The following FGFR1 variants were observed in gnomAD, a reference collection of about 807,000 sequenced individuals.
The protein encoded by FGFR1 is FGFR1/PLAG1 fusion.
In FGFR1, 18 loss-of-function variants were observed where a neutral mutation model predicts 93.7. That is an observed-to-expected ratio of 0.19 (90% CI 0.13 to 0.28). The LOEUF (loss-of-function observed/expected upper bound fraction) is 0.28. FGFR1 is among the 10% of genes least tolerant of loss of function. The pLI is 1.00. For missense variants in FGFR1, 731 were observed against 1,080.4 expected (o/e 0.68, Z 4.53); for synonymous variants, 448 against 429.3 (o/e 1.04, Z -0.54).
At chr8:38,422,845 A>G in intron 7 of FGFR1, 1 of 580,254 alleles carries the variant, frequency 1.7e-6, no homozygotes, top group Non-Finnish European at 3.1e-6. Flanking sequence ...GGGAACCCAC[A>G]GACACCAACA....
At chr8:38,430,101 T>A in intron 2 of FGFR1, 153 bp from the exon 3 acceptor site, 1 of 750,218 alleles carries the variant, frequency 1.3e-6, no homozygotes, top group Non-Finnish European at 2.1e-6. Flanking sequence ...GCCAGGGCAG[T>A]GGGAATTGGA....
chr8:38,412,984 G>A lies in FGFR1; in HGVS notation c.*644C>T, dbSNP rs1325428196. 4.3e-6 allele frequency: 1 copy of A among 233,342 alleles called. No individual in the cohort carries two copies. The highest frequency in any genetic ancestry group is 2.2e-5 in the African/African-American group (1 of 45,280). The allele number at this position is 233,342 out of a possible 1,614,324, so 14.5% of individuals were successfully genotyped here. A position where few individuals can be genotyped will look rare whatever the true frequency, so the allele number is the denominator to read the frequency against. ...ATATATACTCAGATTTATACACTTT[G>A]TGTTTTCTTCATAGCTATATACAGA... On this transcript the variant is annotated 3_prime_UTR_variant, in exon 18 of 18. Coordinates refer to ENST00000447712, the MANE Select transcript of FGFR1 (RefSeq NM_023110.3).
In FGFR1 at chr8:38,427,927, G is replaced by A. The variant is rs781689191; in HGVS notation, c.615C>T (p.Gly205=). 37 of 1,614,116 alleles carry A rather than the reference G, an allele frequency of 2.3e-5. No homozygotes were observed. In the Middle Eastern group the frequency reaches 1.8e-3, roughly 79 times the overall value. The change falls in exon 5 of 18, where the codon GGC becomes GGT. Residue 205 remains glycine, a synonymous_variant. Transcript: ENST00000447712. ...CGCATGCACACACACGTACCTTGTA[G>A]CCTCCAATTCTGTGGTCAGGTTTGA... ...KEFKPDHRIG[G]YKVRYATWSI...
In FGFR1 at chr8:38,426,459, G is replaced by T. The variant is rs1237968193; in HGVS notation, c.622-214C>A. 6.6e-6 allele frequency among the ~76,000 whole-genome samples: 1 copy of T among 152,204 alleles called. No homozygotes were observed. Among genetic ancestry groups the T allele is most frequent in the Admixed American group, 6.5e-5 (1 of 15,288 alleles). On this transcript the variant is annotated intron_variant, in intron 5 of 17. Coordinates refer to ENST00000447712, the MANE Select transcript of FGFR1 (RefSeq NM_023110.3). This position sits in a 1 kb window ranked among gnomAD's most constrained non-coding sequence, Gnocchi z 4.1. ...CAGATGGGGTGTAAAGACTCCAGAA[G>T]TCTCCACTGTGACGTTCAAGATCAT...
intron 8 of FGFR1, chr8:38,421,503 G>C: frequency 2.1e-6 from 1 of 484,334 alleles, no homozygotes; most frequent in South Asian, 2.1e-5. Context: ...GCCTGCCCTG[G>C]AGGAGTCGGG....
intron 1 of FGFR1, among the ~76,000 whole-genome samples, chr8:38,464,774 T>A (rs938273259): frequency 6.6e-6 from 1 of 152,174 alleles, no homozygotes; most frequent in Non-Finnish European, 1.5e-5. Flanking sequence ...TTTGAATCAA[T>A]TCTAACTCCT....
intron 6 of FGFR1, among the ~76,000 whole-genome samples, chr8:38,425,469 G>T (rs1820414250): frequency 2.0e-5 from 3 of 152,108 alleles, no homozygotes; most frequent in African/African-American, 4.8e-5. Flanking sequence ...ATAAGCCACT[G>T]CTCCTGGCCA....
chr8:38,446,205 CTTTTTTTTTTTTT>C (rs773129271), intron 2 of FGFR1, among the ~76,000 whole-genome samples: 1 of 127,776 alleles, frequency 7.8e-6, no homozygotes, highest in Non-Finnish European at 1.6e-5. Flanking sequence ...CCTCTCCCAC[CTTTTTTTTTTTTT>C]TTTTTTTTTT....
rs2150760377 is a variant in FGFR1 at position 38,421,950 on chromosome 8, G to A, written c.937-9C>T. ...GTATTAACTCCAGCAGTCTAGAAGA[G>A]ACAACGGAAGCAAAATGGACAAGCA... is the stretch of plus-strand genomic sequence containing the variant. On this transcript the variant is annotated splice_polypyrimidine_tract_variant and intron_variant, in intron 7 of 17. Transcript: ENST00000447712. 1 of 1,614,076 alleles carries A rather than the reference G, an allele frequency of 6.2e-7. No individual in the cohort carries two copies. The highest frequency in any genetic ancestry group is 8.5e-7 in the Non-Finnish European group (1 of 1,180,000).
intron 1 of FGFR1, among the ~76,000 whole-genome samples, chr8:38,459,957 GA>G (rs1268129355): frequency 2.0e-5 from 3 of 152,194 alleles, no homozygotes; most frequent in African/African-American, 4.8e-5. Context: ...GCTGAGGCGG[GA>G]GTATCACCTG....
chr8:38,428,313 C>T (rs1380651225), intron 4 of FGFR1, 33 bp downstream of exon 4: 1 of 1,604,718 alleles, frequency 6.2e-7, no homozygotes. Context: ...TGCCCAGACC[C>T]AAAGGGCAGT....
intron 2 of FGFR1, among the ~76,000 whole-genome samples, chr8:38,437,416 A>C (rs1246182724): frequency 6.6e-6 from 1 of 152,218 alleles, no homozygotes; most frequent in Non-Finnish European, 1.5e-5. Flanking sequence ...ATGGATTAAG[A>C]TTTTATACTG....
intron 4 of FGFR1, 116 bp downstream of exon 4, chr8:38,428,230 A>C: frequency 1.4e-6 from 2 of 1,462,308 alleles, no homozygotes; most frequent in Non-Finnish European, 1.9e-6. Flanking sequence ...GGCACTTAGC[A>C]GAACAGGCAC....
At chr8:38,464,836 C>G (rs1341227787) in intron 1 of FGFR1, among the ~76,000 whole-genome samples, 3 of 152,198 alleles carry the variant, frequency 2.0e-5, no homozygotes, top group Admixed American at 2.0e-4. Context: ...CTATAACTAA[C>G]AGCCATTTTG....
intron 2 of FGFR1, among the ~76,000 whole-genome samples, chr8:38,440,607 AAAGAGT>A: frequency 6.6e-6 from 1 of 151,848 alleles, no homozygotes; most frequent in East Asian, 1.9e-4. Context: ...AAGAAAGTGA[AAAGAGT>A]AAGAGGGGAC....
chr8:38,419,834 G>A, intron 8 of FGFR1, 99 bp from the exon 9 acceptor site: 1 of 1,017,586 alleles, frequency 9.8e-7, no homozygotes, highest in Non-Finnish European at 1.5e-6. Flanking sequence ...TGTCCCCTGG[G>A]AACTTTTAGG....
intron 2 of FGFR1, among the ~76,000 whole-genome samples, chr8:38,445,591 T>G (rs1233877363): frequency 6.6e-6 from 1 of 152,116 alleles, no homozygotes; most frequent in Non-Finnish European, 1.5e-5. Flanking sequence ...CAGGCTGGAG[T>G]GCAATGGTGC....
chr8:38,437,039 C>T (rs1825705294), intron 2 of FGFR1, among the ~76,000 whole-genome samples: 1 of 152,134 alleles, frequency 6.6e-6, no homozygotes, highest in African/African-American at 2.4e-5. Context: ...CGCCACCACG[C>T]CCGGCTAATT....
In FGFR1 at chr8:38,468,364, T is replaced by C. The variant is rs927490588; in HGVS notation, c.-472A>G. 4.4e-6 allele frequency: 1 copy of C among 228,174 alleles called. No individual in the cohort carries two copies. The highest frequency in any genetic ancestry group is 8.7e-6 in the Non-Finnish European group (1 of 114,594). The allele number at this position is 228,174 out of a possible 1,614,324, so 14.1% of individuals were successfully genotyped here. ...GTGCCCGACTGCAGCACGGGTACCG[T>C]GCGCCCTGCGGGGCGCCCCGAGCTC... On this transcript the variant is annotated 5_prime_UTR_variant, in exon 1 of 18. Coordinates refer to ENST00000447712, the MANE Select transcript of FGFR1 (RefSeq NM_023110.3).
Sources: gnomAD v4.1 joint callset for allele counts (sites outside exome capture counted in the v4.1 genomes callset) on GRCh38, gnomAD v4.1.1 for gene constraint, Gnocchi (gnomAD v3.1) non-coding constraint, MANE v1.5 for transcripts, NCBI Gene and HGNC (gene_info 2026-07-23, HGNC 2026-07-21) for gene names.